LGSN: variants seen among roughly 807,000 people sequenced by gnomAD.
The protein encoded by LGSN is lengsin, lens protein with glutamine synthetase domain, also known as lengsin.
A neutral mutation model predicts 19.5 loss-of-function variants in LGSN; 21 were observed. The ratio of observed to expected loss-of-function variants is 1.07; its 90% confidence interval spans 0.76 to 1.55. The LOEUF is 1.55. Among genes scored for constraint, LGSN ranks in the 40% most tolerant of loss-of-function variants. The pLI is 0.00. For missense variants in LGSN, 673 were observed against 608.5 expected, an observed-to-expected ratio of 1.11 and a Z score of -1.12; for synonymous variants, 257 against 215.6, an observed-to-expected ratio of 1.19 and a Z score of -1.68.
In LGSN at chr6:63,277,264, T is replaced by C. The variant is rs1009905975; in HGVS notation, c.*2757A>G. ...TAAAATGAAGTCAATGCATTAGACA[T>C]GTTTCATTAAGGCCCGTGGACTATA... On this transcript the variant is annotated 3_prime_UTR_variant, in exon 4 of 4. Coordinates refer to ENST00000370657, the MANE Select transcript of LGSN (RefSeq NM_016571.3). The C allele has an allele frequency of 2.6e-5, 4 of 152,206 alleles. No individual in the cohort carries two copies. The highest frequency in any genetic ancestry group is 4.4e-5 in the Non-Finnish European group (3 of 68,048). The allele number at this position is 152,206 out of a possible 1,614,324, so 9.4% of individuals were successfully genotyped here.
At chr6:63,284,181 A>C (rs1469292961) in intron 3 of LGSN, among the ~76,000 whole-genome samples, 1 of 152,220 alleles carries the variant, frequency 6.6e-6, no homozygotes, top group Non-Finnish European at 1.5e-5. Context: ...TGAGAACAAA[A>C]TAATAATAAC....
At chr6:63,509,997 C>A in the LGSN span, among the ~76,000 whole-genome samples, 2 of 152,184 alleles carry the variant, frequency 1.3e-5, no homozygotes, top group African/African-American at 2.4e-5. Flanking sequence ...TAAGGACTAT[C>A]ACAAATGAAG....
chr6:63,338,111 C>T, the LGSN span, among the ~76,000 whole-genome samples: 2 of 152,090 alleles, frequency 1.3e-5, no homozygotes, highest in Admixed American at 6.6e-5. Flanking sequence ...CTCTCAAACT[C>T]CTGAGCTCAG....
At chr6:63,534,727 C>T in the LGSN span, among the ~76,000 whole-genome samples, 1 of 151,616 alleles carries the variant, frequency 6.6e-6, no homozygotes, top group East Asian at 1.9e-4. Flanking sequence ...GCAGGTGGAT[C>T]ACCTGAGGTC....
the LGSN span, among the ~76,000 whole-genome samples, chr6:63,493,618 G>T: frequency 3.6e-4 from 55 of 151,394 alleles, no homozygotes; most frequent in East Asian, 0.011. Flanking sequence ...GGCAAAACCT[G>T]CATGGAGAGG....
At chr6:63,343,095 T>C in the LGSN span, among the ~76,000 whole-genome samples, 1 of 152,222 alleles carries the variant, frequency 6.6e-6, no homozygotes, top group Non-Finnish European at 1.5e-5. Flanking sequence ...TTAATTGCAA[T>C]AATGACTTGC....
the LGSN span, among the ~76,000 whole-genome samples, chr6:63,432,184 A>AAAGAAAGAAAAGGAAAG: frequency 3.8e-5 from 1 of 26,614 alleles, no homozygotes; most frequent in Non-Finnish European, 7.2e-5. Flanking sequence ...GGAAAGAAAG[A>AAAGAAAGAAAAGGAAAG]AAAGAAAAGA....
chr6:63,283,007 CTG>C (rs1284905830), intron 3 of LGSN, among the ~76,000 whole-genome samples: 4 of 152,138 alleles, frequency 2.6e-5, no homozygotes, highest in African/African-American at 4.8e-5. Flanking sequence ...CAATTTAAAT[CTG>C]TGTTTGTATT....
chr6:63,364,839 G>T, the LGSN span, among the ~76,000 whole-genome samples: 1 of 150,388 alleles, frequency 6.6e-6, no homozygotes, highest in South Asian at 2.1e-4. Context: ...AATGACTACT[G>T]GGTACATAAC....
At chr6:63,359,236 A>C in the LGSN span, among the ~76,000 whole-genome samples, 2 of 152,176 alleles carry the variant, frequency 1.3e-5, no homozygotes, top group Admixed American at 6.5e-5. Flanking sequence ...TCGGTTTGCT[A>C]GTATTTTATT....
the LGSN span, among the ~76,000 whole-genome samples, chr6:63,358,932 C>T: frequency 3.6e-3 from 543 of 152,174 alleles, 5 homozygotes; most frequent in African/African-American, 0.012. Context: ...GGAATGCTTC[C>T]AGTTTTTGTC....
the LGSN span, among the ~76,000 whole-genome samples, chr6:63,346,844 T>C: frequency 3.6e-4 from 55 of 152,174 alleles, 1 homozygote; most frequent in Non-Finnish European, 6.6e-4. Flanking sequence ...GAGTTAATGC[T>C]CGGTCATGCC....
the LGSN span, among the ~76,000 whole-genome samples, chr6:63,335,775 C>T: frequency 4.6e-5 from 7 of 151,742 alleles, no homozygotes; most frequent in African/African-American, 1.7e-4. Flanking sequence ...AAAAAAAAAT[C>T]AAAAAATAGA....
chr6:63,525,041 G>A, the LGSN span, among the ~76,000 whole-genome samples: 6 of 152,214 alleles, frequency 3.9e-5, no homozygotes, highest in Non-Finnish European at 8.8e-5. Flanking sequence ...CAGGGATTTA[G>A]CTTAGACAGA....
the LGSN span, among the ~76,000 whole-genome samples, chr6:63,346,019 T>G: frequency 6.6e-6 from 1 of 152,230 alleles, no homozygotes; most frequent in Non-Finnish European, 1.5e-5. Flanking sequence ...ATTTAAAGTA[T>G]ACTTTTGTGA....
chr6:63,486,271 T>A, the LGSN span, among the ~76,000 whole-genome samples: 1 of 152,118 alleles, frequency 6.6e-6, no homozygotes, highest in Non-Finnish European at 1.5e-5. Flanking sequence ...GTTGAAAGCA[T>A]AGATAAGAAT....
chr6:63,520,654 TA>T, the LGSN span, among the ~76,000 whole-genome samples: 1 of 149,846 alleles, frequency 6.7e-6, no homozygotes, highest in African/African-American at 2.5e-5. Flanking sequence ...AATAAATAAA[TA>T]AATAAATAAA....
chr6:63,442,330 G>A, the LGSN span, among the ~76,000 whole-genome samples: 1 of 152,158 alleles, frequency 6.6e-6, no homozygotes, highest in African/African-American at 2.4e-5. Flanking sequence ...CAGCACAAAA[G>A]GGGACCTGAC....
the LGSN span, among the ~76,000 whole-genome samples, chr6:63,512,335 G>A: frequency 1.7e-3 from 257 of 152,144 alleles, no homozygotes; most frequent in African/African-American, 5.6e-3. Flanking sequence ...TACCTGCCTC[G>A]GCCTCCCAAA....
Sources: allele counts gnomAD v4.1 joint callset (sites outside exome capture counted in the v4.1 genomes callset), GRCh38; gene constraint gnomAD v4.1.1; transcripts MANE v1.5; gene names NCBI Gene and HGNC (gene_info 2026-07-23, HGNC 2026-07-21).